The following UPF1 variants were observed in gnomAD, a reference collection of about 807,000 sequenced individuals.
UPF1 encodes the protein regulator of nonsense transcripts 1.
UPF1 carries 9 observed loss-of-function variants against 129.2 expected under a neutral mutation model. The ratio of observed to expected loss-of-function variants is 0.07; its 90% CI spans 0.04 to 0.12. The LOEUF is 0.12. Among genes scored for constraint, UPF1 ranks in the 10% least tolerant of loss-of-function variants. UPF1 has a pLI of 1.00. For missense variants in UPF1, 788 were observed against 1,525.3 expected (o/e 0.52, Z 8.05); for synonymous variants, 649 against 644.9 (o/e 1.01, Z -0.10).
At position 18,855,204 on chromosome 19, in the gene UPF1, G is replaced by A. The variant is rs755708037; in HGVS notation, c.1506G>A (p.Ser502=). 166 of 1,612,864 alleles carry A rather than the reference G, an allele frequency of 1.0e-4. No homozygotes were observed. The highest frequency in any genetic ancestry group is 1.4e-4 in the Non-Finnish European group (163 of 1,180,004). The change falls in exon 11 of 24, where the codon TCG becomes TCA. Residue 502 remains serine (S), a synonymous_variant. Coordinates refer to ENST00000262803, the MANE Select transcript of UPF1 (RefSeq NM_002911.4). ...CAGGCACGGGGAAGACGGTGACGTC[G>A]GCCACCATCGTCTACCACCTGGCCC... The part of the protein sequence containing the change: ...GPPGTGKTVT[S]ATIVYHLARQ...
rs779830673 is a variant in UPF1, at chr19:18,850,652, G to C, written c.630-36G>C. Reference sequence around the variant, plus strand: ...CTCCCTGCTCCGGGGCTTCAGGGACGGGAGCTGGTCCTCACGGCCCCCTCC... The same window carrying C: ...CTCCCTGCTCCGGGGCTTCAGGGACCGGAGCTGGTCCTCACGGCCCCCTCC... On this transcript the variant is annotated intron_variant, in intron 4 of 23. Transcript: ENST00000262803. This position sits in a 1 kb window ranked among gnomAD's most constrained non-coding sequence, Gnocchi z 7.1. 7 of 1,519,156 alleles carry C rather than the reference G, an allele frequency of 4.6e-6. No homozygotes were observed. The Admixed American group carries it at 8.5e-5, about 18-fold the overall frequency. The allele number at this position is 1,519,156 out of a possible 1,614,324, so 94.1% of individuals were successfully genotyped here. A position where few individuals can be genotyped will look rare whatever the true frequency, so the allele number is the denominator to read the frequency against.
In UPF1 at chr19:18,832,020, T is replaced by TCGGCGG. The variant is rs1321886228; in HGVS notation, c.-188_-183dup. On this transcript the variant is annotated 5_prime_UTR_variant, in exon 1 of 24. Transcript: ENST00000262803. The surrounding 1 kb of genome is among the most constrained non-coding windows in gnomAD (Gnocchi z 5.6). Reference sequence around the variant, plus strand: ...GAGGGGAGCTGAGGCGCGGAGGGGCTCGGCGGCAGCGGCGGCGGCTCGGCA... The same window carrying TCGGCGG: ...GAGGGGAGCTGAGGCGCGGAGGGGCTCGGCGGCGGCGGCAGCGGCGGCGGCTCGGCA... The TCGGCGG allele has an allele frequency of 2.6e-6, 1 of 387,260 alleles. No individual in the cohort carries two copies. Among genetic ancestry groups the TCGGCGG allele is most frequent in the African/African-American group, 2.2e-5 (1 of 46,362 alleles). The allele number at this position is 387,260 out of a possible 1,614,324, so 24.0% of individuals were successfully genotyped here.
At chr19:18,862,429 G>T (rs1258761859) in intron 18 of UPF1, among the ~76,000 whole-genome samples, 1 of 152,098 alleles carries the variant, frequency 6.6e-6, no homozygotes, top group African/African-American at 2.4e-5. Flanking sequence ...AATCTGAGAG[G>T]CTGTAAGTTT....
chr19:18,860,102 G>T (rs1306557473), intron 15 of UPF1: 4 of 591,308 alleles, frequency 6.8e-6, no homozygotes, highest in Non-Finnish European at 1.2e-5. Flanking sequence ...GCTCTGTGCT[G>T]GCCATGGTGC....
In UPF1 at chr19:18,832,224, G is replaced by T. The variant is rs2055433154; in HGVS notation, c.15G>T (p.Ala5=). The stretch of plus-strand genomic sequence containing the variant: ...CCGGAGGCACCATGAGCGTGGAGGC[G>T]TACGGGCCCAGCTCGCAGACTCTCA... The part of the protein sequence containing the change: MSVE[A]YGPSSQTLTF... Residue 5 remains alanine, a synonymous_variant, in exon 1 of 24, where the codon GCG becomes GCT. Coordinates refer to ENST00000262803, the MANE Select transcript of UPF1 (RefSeq NM_002911.4). This position sits in a 1 kb window ranked among gnomAD's most constrained non-coding sequence, Gnocchi z 5.6. 2 of 1,544,622 alleles carry T rather than the reference G, an allele frequency of 1.3e-6. No individual in the cohort carries two copies. The highest frequency in any genetic ancestry group is 3.8e-5 in the Admixed American group (2 of 52,958).
At chr19:18,859,407 C>T (rs1385095227) in intron 15 of UPF1, 2 of 152,264 alleles carry the variant, frequency 1.3e-5, no homozygotes, top group African/African-American at 4.8e-5. Flanking sequence ...TAGCCAGCAC[C>T]TGAACCCAGA....
chr19:18,837,506 G>A (rs1014665855), intron 1 of UPF1, among the ~76,000 whole-genome samples: 7 of 152,324 alleles, frequency 4.6e-5, no homozygotes, highest in East Asian at 1.9e-4. Flanking sequence ...ACCCCAAACC[G>A]GAAGCAGCCC....
intron 3 of UPF1, chr19:18,849,849 T>C: frequency 1.7e-6 from 1 of 575,392 alleles, no homozygotes; most frequent in Non-Finnish European, 3.1e-6. Flanking sequence ...GTGAACCGTG[T>C]TAAGGAAGTT....
In UPF1 at chr19:18,856,871, C is replaced by T. The variant is rs112084896; in HGVS notation, c.1825-6C>T. 3.0e-4 allele frequency: 479 copies of T among 1,609,400 alleles called. 1 individual carries two copies. In the African/African-American group the frequency reaches 5.5e-3, roughly 19 times the overall value. On this transcript the variant is annotated splice_region_variant and splice_polypyrimidine_tract_variant and intron_variant, in intron 13 of 23. Transcript: ENST00000262803. Reference sequence around the variant, plus strand: ...GGTGCCCTGATGCCTCTGCACCCTTCCCCAGAACGCAGATGTCATCTGCTG... The same window carrying T: ...GGTGCCCTGATGCCTCTGCACCCTTTCCCAGAACGCAGATGTCATCTGCTG...
chr19:18,856,306 T>C lies in UPF1; in HGVS notation c.1824+6T>C. 1 of 1,585,270 alleles carries C rather than the reference T, an allele frequency of 6.3e-7. No homozygotes were observed. The highest frequency in any genetic ancestry group is 2.3e-5 in the East Asian group (1 of 44,032). ...CAGAGAGAGAGCTGCTGATGGTGAG[T>C]GCCCCTCCTGCCTGCAAAAGGGCCT... On this transcript the variant is annotated splice_donor_region_variant and intron_variant, in intron 13 of 23. Coordinates refer to ENST00000262803, the MANE Select transcript of UPF1 (RefSeq NM_002911.4).
At chr19:18,852,694 C>T (rs529346099) in intron 6 of UPF1, among the ~76,000 whole-genome samples, 1 of 150,860 alleles carries the variant, frequency 6.6e-6, no homozygotes, top group South Asian at 2.1e-4. Context: ...TCCCTCCCTC[C>T]CCTCCTCTCT....
At chr19:18,860,533 CT>C in intron 16 of UPF1, 95 bp downstream of exon 16, 1 of 1,259,964 alleles carries the variant, frequency 7.9e-7, no homozygotes, top group Non-Finnish European at 1.1e-6. Context: ...GGGACTGAAA[CT>C]TTTTTTGCCT....
At position 18,865,412 on chromosome 19, in the gene UPF1, C is replaced by T. The variant is rs902737165; in HGVS notation, c.2981C>T (p.Pro994Leu). The stretch of plus-strand genomic sequence containing the variant: ...AACCTGGTCATGCCACCCATGCCAC[C>T]GCCTGGCTATTTTGGACAAGCCAAC... ...PFNLVMPPMP[P>L]PGYFGQANGP... Residue 994 changes from proline to leucine, a missense_variant, in exon 21 of 24, where the codon CCG (proline) becomes CTG (leucine). Physicochemically the swap from Pro to Leu is moderately conservative, Grantham distance 98. Around this residue, in one of 6 missense-constraint regions of UPF1, gnomAD observed 218 missense variants for 318.1 expected, o/e 0.69. Transcript: ENST00000262803. The surrounding 1 kb of genome is among the most constrained non-coding windows in gnomAD (Gnocchi z 6.1). The T allele has an allele frequency of 5.0e-6, 8 of 1,613,908 alleles. No individual in the cohort carries two copies. Among genetic ancestry groups the T allele is most frequent in the Non-Finnish European group, 6.8e-6 (8 of 1,179,956 alleles).
rs1384543648 is a variant in UPF1 at position 18,851,327 on chromosome 19, C to T, written c.810+459C>T. Among the ~76,000 whole-genome samples, 3 of 152,178 alleles carry T rather than the reference C, an allele frequency of 2.0e-5. No homozygotes were observed. The highest frequency in any genetic ancestry group is 4.8e-5 in the African/African-American group (2 of 41,440). On this transcript the variant is annotated intron_variant, in intron 5 of 23. Transcript: ENST00000262803. This position sits in a 1 kb window ranked among gnomAD's most constrained non-coding sequence, Gnocchi z 4.2. ...AGTAGTGGGTGCCTGGCCCTCCTTC[C>T]ACAGACAGCCCTCACTTTTCCCCAC...
At chr19:18,843,459 G>A (rs941574030) in intron 1 of UPF1, among the ~76,000 whole-genome samples, 6 of 151,508 alleles carry the variant, frequency 4.0e-5, no homozygotes, top group African/African-American at 1.5e-4. Flanking sequence ...CATTTGGGGG[G>A]ATTTTTGAGT....
intron 1 of UPF1, among the ~76,000 whole-genome samples, chr19:18,839,691 CTT>C (rs1330384789): frequency 6.6e-6 from 1 of 152,196 alleles, no homozygotes; most frequent in Non-Finnish European, 1.5e-5. Flanking sequence ...TGGGCAACCT[CTT>C]CAGCCTGGCC....
Position 18,832,818 on chromosome 19 carries a change from C to T in UPF1, c.231+378C>T, listed in dbSNP as rs1445910998. On this transcript the variant is annotated intron_variant, in intron 1 of 23. Transcript: ENST00000262803. The surrounding 1 kb of genome is among the most constrained non-coding windows in gnomAD (Gnocchi z 5.6). ...CCCTCCTGGGCCCGGGCTGACCTGCCTTGTGTCCCACAATCAGTCTGGCCT... is the reference window on the plus strand; with the variant it reads ...CCCTCCTGGGCCCGGGCTGACCTGCTTTGTGTCCCACAATCAGTCTGGCCT... Among the ~76,000 whole-genome samples the T allele has an allele frequency of 3.3e-5, 5 of 152,228 alleles. No homozygotes were observed. Among genetic ancestry groups the T allele is most frequent in the African/African-American group, 9.6e-5 (4 of 41,466 alleles).
intron 2 of UPF1, among the ~76,000 whole-genome samples, chr19:18,847,072 C>T (rs985421725): frequency 2.0e-5 from 3 of 152,112 alleles, no homozygotes; most frequent in East Asian, 1.9e-4. Context: ...CCCAGCGCTC[C>T]GGGACTGAGG....
At chr19:18,834,628 AT>A (rs2055464176) in intron 1 of UPF1, among the ~76,000 whole-genome samples, 1 of 152,092 alleles carries the variant, frequency 6.6e-6, no homozygotes, top group Admixed American at 6.5e-5. Context: ...TGTAATTTGG[AT>A]TTGTTTGTGG....
Sources: gnomAD v4.1 joint callset for allele counts (sites outside exome capture counted in the v4.1 genomes callset) on GRCh38, gnomAD v4.1.1 for gene constraint, gnomAD v4.1.1 regional missense constraint, Gnocchi (gnomAD v3.1) non-coding constraint, MANE v1.5 for transcripts, NCBI Gene and HGNC (gene_info 2026-07-23, HGNC 2026-07-21) for gene names.